DOCK4: variants seen among roughly 807,000 people sequenced by gnomAD.
The protein encoded by DOCK4 is dedicator of cytokinesis 4.
In DOCK4, 97 loss-of-function variants were observed where a neutral mutation model predicts 268.1. That is an observed-to-expected ratio of 0.36 (90% CI 0.31 to 0.43). The LOEUF is 0.43. DOCK4 is among the 20% of genes least tolerant of loss of function. The pLI, the probability that DOCK4 is intolerant of heterozygous loss-of-function variation, is 1.00. For synonymous variants in DOCK4, 954 were observed against 887.2 expected (o/e 1.08, Z -1.34); for missense variants, 2,145 against 2,455.7 (o/e 0.87, Z 2.67).
intron 23 of DOCK4, among the ~76,000 whole-genome samples, chr7:111,856,175 T>G (rs774876166): frequency 6.6e-6 from 1 of 152,174 alleles, no homozygotes; most frequent in South Asian, 2.1e-4. Context: ...AGAAATGAAA[T>G]GATACAGGTG....
chr7:111,745,409 G>A (rs1183607510), intron 44 of DOCK4, among the ~76,000 whole-genome samples: 4 of 152,128 alleles, frequency 2.6e-5, no homozygotes, highest in African/African-American at 4.8e-5. Flanking sequence ...TCGGCCAGGC[G>A]CGGTGGCTCA....
Position 111,834,618 on chromosome 7 carries a change from A to T in DOCK4, c.2805T>A (p.Leu935=), listed in dbSNP as rs374947618. ...GTTCTTCCTTTGTATTAAAACTATCAAGAAGCTGTTGATAATGTCTATCTG... is the reference window on the plus strand; with the variant it reads ...GTTCTTCCTTTGTATTAAAACTATCTAGAAGCTGTTGATAATGTCTATCTG... ...QMTDRHYQQL[L]DSFNTKEELR... is the part of the protein sequence containing the mutation. Residue 935 remains leucine (L), a synonymous_variant, in exon 26 of 53, where the codon CTT becomes CTA. Transcript: ENST00000428084. 1.9e-6 allele frequency: 3 copies of T among 1,558,216 alleles called. No individual in the cohort carries two copies. The highest frequency in any genetic ancestry group is 2.6e-6 in the Non-Finnish European group (3 of 1,150,146).
intron 11 of DOCK4, among the ~76,000 whole-genome samples, chr7:111,939,064 A>G (rs748701587): frequency 5.0e-4 from 76 of 151,772 alleles, no homozygotes; most frequent in Non-Finnish European, 1.0e-3. Context: ...GATCAGAGTG[A>G]CGCGTCTACA....
intron 1 of DOCK4, among the ~76,000 whole-genome samples, chr7:112,101,845 C>CTT (rs72188849): frequency 2.0e-5 from 3 of 146,368 alleles, no homozygotes; most frequent in East Asian, 2.0e-4. Flanking sequence ...TTTTCTTTTT[C>CTT]TTTTTTTTTT....
chr7:111,758,666 T>C lies in DOCK4; in HGVS notation c.4287A>G (p.Arg1429=). Residue 1429 remains arginine, a synonymous_variant, in exon 41 of 53, where the codon CGA becomes CGG. Coordinates refer to ENST00000428084, the MANE Select transcript of DOCK4 (RefSeq NM_001363540.2). ...VNHIWKFRYD[R]PFHKGTKDKE... is the part of the protein sequence containing the mutation. ...TATCTTTTGTGCCTTTGTGAAATGG[T>C]CGGTCATAGCGGAATTTCCAGATGT... 6.2e-7 allele frequency: 1 copy of C among 1,614,020 alleles called. No individual in the cohort carries two copies. The highest frequency in any genetic ancestry group is 8.5e-7 in the Non-Finnish European group (1 of 1,179,886).
intron 1 of DOCK4, among the ~76,000 whole-genome samples, chr7:112,112,447 G>A (rs1425712560): frequency 6.6e-6 from 1 of 152,026 alleles, no homozygotes. Flanking sequence ...TTCGAGACCA[G>A]CCTGGCCAGT....
chr7:112,168,159 T>G (rs10249078), intron 1 of DOCK4, among the ~76,000 whole-genome samples: 2,371 of 152,340 alleles, frequency 0.016, 58 homozygotes, highest in African/African-American at 0.054. Context: ...AATCAAGTTT[T>G]AAACTACCTT....
intron 1 of DOCK4, among the ~76,000 whole-genome samples, chr7:112,048,771 C>T (rs968143474): frequency 6.6e-6 from 1 of 151,404 alleles, no homozygotes; most frequent in Non-Finnish European, 1.5e-5. Context: ...GTAGAAATAT[C>T]TTTCTTTTTT....
intron 1 of DOCK4, among the ~76,000 whole-genome samples, chr7:112,123,114 G>T (rs1022556277): frequency 2.0e-5 from 3 of 152,224 alleles, no homozygotes; most frequent in African/African-American, 7.2e-5. Context: ...CTGTTAAAGG[G>T]ATTGCGAGGG....
At chr7:111,902,769 C>T (rs961696855) in intron 13 of DOCK4, among the ~76,000 whole-genome samples, 3 of 147,140 alleles carry the variant, frequency 2.0e-5, no homozygotes, top group Admixed American at 1.4e-4. Flanking sequence ...TTTTTCTTTT[C>T]TTTTTTTTTT....
At chr7:112,017,820 G>A (rs1358338968) in intron 1 of DOCK4, among the ~76,000 whole-genome samples, 1 of 151,956 alleles carries the variant, frequency 6.6e-6, no homozygotes, top group Non-Finnish European at 1.5e-5. Flanking sequence ...CATGTCTTCT[G>A]GGATCTGGGT....
At chr7:111,772,105 T>G (rs1798158797) in intron 36 of DOCK4, among the ~76,000 whole-genome samples, 2 of 152,244 alleles carry the variant, frequency 1.3e-5, no homozygotes, top group Middle Eastern at 3.4e-3. Context: ...GTAAGAGGAA[T>G]GGGGAGTTAG....
At position 111,863,576 on chromosome 7, in the gene DOCK4, GA is replaced by G; in HGVS notation, c.2281-13del. On this transcript the variant is annotated splice_polypyrimidine_tract_variant and intron_variant, in intron 22 of 52. Transcript: ENST00000428084. ...CTCAGAAACACAGCCTTAAAAAGAAGAAGACATTTAAATCAACTCCCAGATA... is the reference window on the plus strand; with the variant it reads ...CTCAGAAACACAGCCTTAAAAAGAAGAGACATTTAAATCAACTCCCAGATA... The G allele has an allele frequency of 6.3e-7, 1 of 1,583,182 alleles. No homozygotes were observed. Among genetic ancestry groups the G allele is most frequent in the Non-Finnish European group, 8.6e-7 (1 of 1,162,208 alleles).
Position 112,064,152 on chromosome 7 carries a change from G to A in DOCK4, c.38-60021C>T, listed in dbSNP as rs934161766. On this transcript the variant is annotated intron_variant, in intron 1 of 52. Coordinates refer to ENST00000428084, the MANE Select transcript of DOCK4 (RefSeq NM_001363540.2). ...GGTTTTGGAGTGAGACATGGCAGCA[G>A]CTTTGTGGATCACAGCAGAAGCAAT... Among the ~76,000 whole-genome samples the A allele has an allele frequency of 5.9e-5, 9 of 152,308 alleles. No homozygotes were observed. The South Asian group carries it at 1.7e-3, about 28-fold the overall frequency.
rs367973636 is a variant in DOCK4, at chr7:111,739,448, A to G, written c.5070T>C (p.Ser1690=). The change falls in exon 48 of 53, where the codon TCT becomes TCC. Residue 1690 remains serine (S), a synonymous_variant. Transcript: ENST00000428084. ...TCACATTAGGTGAAGCCGAGTGAGT[A>G]GAACTCAAGCTTGAGGTAGATGGAC... ...QPSPSTSSLS[S]THSASPNVTS... The G allele has an allele frequency of 1.3e-5, 21 of 1,573,642 alleles. No homozygotes were observed. The highest frequency in any genetic ancestry group is 1.8e-5 in the Non-Finnish European group (21 of 1,159,582).
In DOCK4 at chr7:111,739,224, G is replaced by A; in HGVS notation, c.5142C>T (p.Asp1714=). 6.2e-7 allele frequency: 1 copy of A among 1,613,954 alleles called. No homozygotes were observed. The highest frequency in any genetic ancestry group is 1.1e-5 in the South Asian group (1 of 91,084). The change falls in exon 49 of 53, where the codon GAC becomes GAT. Residue 1714 remains aspartate (D), a synonymous_variant. Transcript: ENST00000428084. ...SSARASPLLS[D]KHKHSRENSC... is the part of the protein sequence containing the mutation. Reference sequence around the variant, plus strand: ...AGTTTTCTCGGGAATGTTTGTGTTTGTCAGACAACAAAGGAGAAGCTGGGA... The same window carrying A: ...AGTTTTCTCGGGAATGTTTGTGTTTATCAGACAACAAAGGAGAAGCTGGGA...
intron 8 of DOCK4, among the ~76,000 whole-genome samples, chr7:111,968,692 C>T (rs1311049950): frequency 8.1e-6 from 1 of 123,846 alleles, no homozygotes; most frequent in Non-Finnish European, 1.6e-5. Context: ...CCATTTGACC[C>T]AGCCATCGCA....
chr7:112,169,106 A>G (rs1817857582), intron 1 of DOCK4, among the ~76,000 whole-genome samples: 4 of 152,040 alleles, frequency 2.6e-5, no homozygotes. Flanking sequence ...CACGATAGTG[A>G]GCTCTCATGA....
rs532690530 is a variant in DOCK4 at position 112,112,252 on chromosome 7, T to C, written c.37+93850A>G. The stretch of plus-strand genomic sequence containing the variant: ...TGAGAACTGGTTGATCAAAGGAACA[T>C]AGCATCTCTTTTGCTCCCTCTCTCA... On this transcript the variant is annotated intron_variant, in intron 1 of 52. Transcript: ENST00000428084. Among the ~76,000 whole-genome samples, 11 of 152,270 alleles carry C rather than the reference T, an allele frequency of 7.2e-5. No individual in the cohort carries two copies. In the East Asian group the frequency reaches 1.7e-3, roughly 24 times the overall value.
Sources: allele counts gnomAD v4.1 joint callset (sites outside exome capture counted in the v4.1 genomes callset), GRCh38; gene constraint gnomAD v4.1.1; transcripts MANE v1.5; gene names NCBI Gene and HGNC (gene_info 2026-07-23, HGNC 2026-07-21).